CEACAM1: variants seen among roughly 807,000 people sequenced by gnomAD.
CEACAM1 encodes cell adhesion molecule CEACAM1.
Under a neutral mutation model 49.1 loss-of-function variants are expected in CEACAM1, and 31 were observed. That is an observed-to-expected ratio of 0.63 (90% CI 0.47 to 0.85). The LOEUF (loss-of-function observed/expected upper bound fraction) is 0.85, where lower values mean the gene tolerates loss of function less well. Among genes scored for constraint, CEACAM1 ranks in the 40% least tolerant of loss-of-function variants. The probability of loss-of-function intolerance (pLI) is 0.00; values close to 1 mark genes in which losing one functional copy is unlikely to be tolerated. For synonymous variants in CEACAM1, 244 were observed against 247.8 expected (o/e 0.98, Z 0.14); for missense variants, 570 against 645.3 (o/e 0.88, Z 1.26).
At chr19:42,521,182 A>G (rs983374585) in intron 4 of CEACAM1, 85 bp downstream of exon 4, 14 of 1,518,332 alleles carry the variant, frequency 9.2e-6, no homozygotes, top group Non-Finnish European at 8.1e-6. Flanking sequence ...ACAGGCTGCA[A>G]AAGAAAATTT....
intron 5 of CEACAM1, among the ~76,000 whole-genome samples, chr19:42,515,800 A>G (rs2041586157): frequency 6.6e-6 from 1 of 152,254 alleles, no homozygotes; most frequent in African/African-American, 2.4e-5. Flanking sequence ...TGCAGAAATA[A>G]TAAGGATTAT....
At position 42,527,005 on chromosome 19, in the gene CEACAM1, C is replaced by T. The variant is rs759399284; in HGVS notation, c.424+36G>A. ...TCCCATGTGTGGGAAGTAGAACTAA[C>T]CCCCCAACACCCAGAGGTCATGGGG... On this transcript the variant is annotated intron_variant, in intron 2 of 8. Coordinates refer to ENST00000161559, the MANE Select transcript of CEACAM1 (RefSeq NM_001712.5). 5 of 1,569,184 alleles carry T rather than the reference C, an allele frequency of 3.2e-6. No individual in the cohort carries two copies. The African/African-American group carries it at 5.6e-5, about 18-fold the overall frequency.
intron 4 of CEACAM1, 50 bp from the exon 5 acceptor site, chr19:42,519,285 G>A (rs768651861): frequency 3.2e-6 from 5 of 1,581,076 alleles, no homozygotes; most frequent in Non-Finnish European, 3.5e-6. Context: ...TAGGGTTGGG[G>A]CCTGGGGCCT....
chr19:42,519,276 AG>A, intron 4 of CEACAM1, 41 bp from the exon 5 acceptor site: 1 of 1,602,812 alleles, frequency 6.2e-7, no homozygotes, highest in Non-Finnish European at 8.5e-7. Flanking sequence ...TACTGAGAAT[AG>A]GGTTGGGGCC....
chr19:42,512,342 C>A lies in CEACAM1; in HGVS notation c.1376+8G>T. The A allele has an allele frequency of 6.2e-7, 1 of 1,613,926 alleles. No individual in the cohort carries two copies. The highest frequency in any genetic ancestry group is 8.5e-7 in the Non-Finnish European group (1 of 1,179,860). On this transcript the variant is annotated splice_region_variant and intron_variant, in intron 6 of 8. Transcript: ENST00000161559. ...GAGGAAACAGAACAAGAGGAAAGGC[C>A]ATCATACCTGCCGGTCTTCCCGAAA...
intron 2 of CEACAM1, among the ~76,000 whole-genome samples, chr19:42,526,800 C>G (rs2041902470): frequency 6.6e-6 from 1 of 152,118 alleles, no homozygotes; most frequent in African/African-American, 2.4e-5. Flanking sequence ...GGTCTCCCCT[C>G]GATAAGTTAC....
chr19:42,527,042 G>T lies in CEACAM1; in HGVS notation c.423C>A (p.Tyr141Ter). ...CAGAGGTCATGGGGAAATACTCACG[G>T]TATACATGGAACTGTCCAGTTGCTT... ...NEEATGQFHV[Y>*]PELPKPSISS... The change falls in exon 2 of 9, where the codon TAC becomes TAA. Residue 141 changes from tyrosine to a stop codon, truncating the protein, a stop_gained and splice_region_variant. Transcript: ENST00000161559. LOFTEE classifies it high-confidence loss of function. The T allele has an allele frequency of 6.3e-7, 1 of 1,594,816 alleles. No homozygotes were observed.
chr19:42,528,163 TATG>T, intron 1 of CEACAM1, 145 bp downstream of exon 1: 2 of 598,346 alleles, frequency 3.3e-6, no homozygotes, highest in Non-Finnish European at 5.8e-6. Context: ...ACTTTCCTTT[TATG>T]ATCTCTATCC....
intron 2 of CEACAM1, among the ~76,000 whole-genome samples, chr19:42,523,661 A>G (rs1002045676): frequency 6.6e-6 from 1 of 152,246 alleles, no homozygotes; most frequent in African/African-American, 2.4e-5. Flanking sequence ...CCTGACCCTC[A>G]TGGACCGTGT....
intron 2 of CEACAM1, among the ~76,000 whole-genome samples, chr19:42,525,433 G>C (rs555031141): frequency 6.6e-6 from 1 of 151,930 alleles, no homozygotes; most frequent in Non-Finnish European, 1.5e-5. Flanking sequence ...TCACCATGTT[G>C]GCCAGGCTGG....
chr19:42,525,327 C>T (rs1411949032), intron 2 of CEACAM1, among the ~76,000 whole-genome samples: 2 of 151,232 alleles, frequency 1.3e-5, no homozygotes, highest in African/African-American at 2.4e-5. Context: ...TGGGTTCAAG[C>T]GATTCTACCA....
chr19:42,511,092 C>A, intron 7 of CEACAM1, 172 bp from the exon 8 acceptor site: 1 of 645,262 alleles, frequency 1.5e-6, no homozygotes, highest in Non-Finnish European at 2.8e-6. Flanking sequence ...AGAGAGGGGG[C>A]AGGGGCAGAA....
In CEACAM1 at chr19:42,519,066, C is replaced by T. The variant is rs757374296; in HGVS notation, c.1128G>A (p.Gln376=). 3.7e-6 allele frequency: 6 copies of T among 1,614,124 alleles called. No individual in the cohort carries two copies. The Admixed American group carries it at 8.3e-5, about 22-fold the overall frequency. ...LPSSERMKLS[Q]GNTTLSINPV... ...GGTTTATGCTGAGGGTGGTGTTGCC[C>T]TGGGACAGCTTCATCCTCTCCGAGG... The change falls in exon 5 of 9, where the codon CAG becomes CAA. Residue 376 remains glutamine, a synonymous_variant. Coordinates refer to ENST00000161559, the MANE Select transcript of CEACAM1 (RefSeq NM_001712.5).
chr19:42,507,319 T>C lies in CEACAM1; in HGVS notation c.*1790A>G, dbSNP rs745404974. ...TGAGGCAGCATGTCGATGTCTGATA[T>C]ATTATTTTTATTATAAAAACATAGA... On this transcript the variant is annotated 3_prime_UTR_variant, in exon 9 of 9. Coordinates refer to ENST00000161559, the MANE Select transcript of CEACAM1 (RefSeq NM_001712.5). 2.0e-5 allele frequency: 3 copies of C among 152,214 alleles called. No individual in the cohort carries two copies. The highest frequency in any genetic ancestry group is 4.8e-5 in the African/African-American group (2 of 41,450). 9.4% of individuals were successfully genotyped at this position (152,214 alleles called of 1,614,324 possible). A position where few individuals can be genotyped will look rare whatever the true frequency, so the allele number is the denominator to read the frequency against.
intron 1 of CEACAM1, 102 bp from the exon 2 acceptor site, chr19:42,527,502 G>GGTGT: frequency 3.9e-6 from 4 of 1,033,122 alleles, no homozygotes; most frequent in Non-Finnish European, 5.4e-6. Context: ...CCTCCACCTT[G>GGTGT]GAGTGTGTGT....
At chr19:42,510,123 T>C (rs936786361) in intron 8 of CEACAM1, among the ~76,000 whole-genome samples, 4 of 152,180 alleles carry the variant, frequency 2.6e-5, no homozygotes, top group African/African-American at 9.6e-5. Flanking sequence ...TTTCCCTCTG[T>C]CGCCCAGGCT....
chr19:42,514,967 A>G, intron 5 of CEACAM1: 1 of 647,080 alleles, frequency 1.5e-6, no homozygotes, highest in African/African-American at 1.8e-5. Flanking sequence ...TATTACATTA[A>G]ATCTTTAAAA....
Position 42,509,054 on chromosome 19 carries a change from A to AT in CEACAM1, c.*54dup, listed in dbSNP as rs1332209237. On this transcript the variant is annotated 3_prime_UTR_variant, in exon 9 of 9. Transcript: ENST00000161559. ...TACAGGGGAAAGGAATCTCCTAGTG[A>AT]TGAGGGTGAGAGACTTGAAATACAT... The AT allele has an allele frequency of 3.1e-6, 5 of 1,608,352 alleles. No homozygotes were observed. In the South Asian group the frequency reaches 5.5e-5, roughly 18 times the overall value.
intron 5 of CEACAM1, among the ~76,000 whole-genome samples, chr19:42,514,242 C>T (rs2041543504): frequency 6.6e-6 from 1 of 151,794 alleles, no homozygotes; most frequent in African/African-American, 2.4e-5. Flanking sequence ...AGCGATTCTC[C>T]TACCTCAGCC....
Sources: allele counts gnomAD v4.1 joint callset (sites outside exome capture counted in the v4.1 genomes callset), GRCh38; gene constraint gnomAD v4.1.1; transcripts MANE v1.5; gene names NCBI Gene and HGNC (gene_info 2026-07-23, HGNC 2026-07-21).